The following AGAP1 variants were observed in gnomAD, a reference collection of about 807,000 sequenced individuals.
AGAP1 encodes ArfGAP with GTPase domain, ankyrin repeat and PH domain 1.
A neutral mutation model predicts 105.3 loss-of-function variants in AGAP1; 29 were observed. The observed-to-expected ratio is 0.28, with a 90% CI of 0.21 to 0.38. AGAP1 has a LOEUF of 0.38. Ranked by LOEUF, AGAP1 falls within the 10% of genes least tolerant of loss-of-function variation. The pLI, the probability that AGAP1 is intolerant of heterozygous loss-of-function variation, is 1.00. For missense variants in AGAP1, 998 were observed against 1,165.1 expected, an observed-to-expected ratio of 0.86 and a Z score of 2.09; for synonymous variants, 509 against 485.9, an observed-to-expected ratio of 1.05 and a Z score of -0.63.
At chr2:235,807,524 C>G (rs539728551) in intron 9 of AGAP1, among the ~76,000 whole-genome samples, 193 bp downstream of exon 9, 1 of 152,242 alleles carries the variant, frequency 6.6e-6, no homozygotes, top group East Asian at 1.9e-4. Flanking sequence ...GAAGAGGGAA[C>G]GGAGACAACA....
Position 236,131,501 on chromosome 2 carries a change from T to G in AGAP1, c.*7379T>G, listed in dbSNP as rs2125999495. The stretch of plus-strand genomic sequence containing the variant: ...GATGGGTTTAGGTTTTTTTTTTGGA[T>G]GTTTTCTATTACCTCATTCAGCAAC... On this transcript the variant is annotated 3_prime_UTR_variant, in exon 18 of 18. Transcript: ENST00000304032. This position sits in a 1 kb window ranked among gnomAD's most constrained non-coding sequence, Gnocchi z 5.9. The G allele has an allele frequency of 6.6e-6, 1 of 152,208 alleles. No individual in the cohort carries two copies. The highest frequency in any genetic ancestry group is 2.1e-4 in the South Asian group (1 of 4,824). 9.4% of individuals were successfully genotyped at this position (152,208 alleles called of 1,614,324 possible). A position where few individuals can be genotyped will look rare whatever the true frequency, so the allele number is the denominator to read the frequency against.
rs1439297283 is a variant in AGAP1 at position 236,044,342 on chromosome 2, C to T, written c.1891+3501C>T. On this transcript the variant is annotated intron_variant, in intron 15 of 17. Coordinates refer to ENST00000304032, the MANE Select transcript of AGAP1 (RefSeq NM_001037131.3). The surrounding 1 kb of genome is among the most constrained non-coding windows in gnomAD (Gnocchi z 5.7). ...CCACACCTGAGGGCCCCTGAGAATC[C>T]TAGGGCTTGGGACCCTCAGTGGCTC... Among the ~76,000 whole-genome samples, 1 of 152,130 alleles carries T rather than the reference C, an allele frequency of 6.6e-6. No individual in the cohort carries two copies. Among genetic ancestry groups the T allele is most frequent in the Non-Finnish European group, 1.5e-5 (1 of 68,000 alleles).
In AGAP1 at chr2:236,040,396, C is replaced by T. The variant is rs527848259; in HGVS notation, c.1801-355C>T. Among the ~76,000 whole-genome samples the T allele has an allele frequency of 1.0e-3, 157 of 152,266 alleles. 1 individual carries two copies. The highest frequency in any genetic ancestry group is 3.6e-3 in the African/African-American group (151 of 41,532). On this transcript the variant is annotated intron_variant, in intron 14 of 17. Transcript: ENST00000304032. This position sits in a 1 kb window ranked among gnomAD's most constrained non-coding sequence, Gnocchi z 5.6. ...GATTATTTCTTTCTCATTCTTCTTA[C>T]CAAGTAGACATGTGGCTACTGCCCA...
rs2054272251 is a variant in AGAP1, at chr2:235,963,533, C to T, written c.1484-4929C>T. Among the ~76,000 whole-genome samples, 1 of 152,180 alleles carries T rather than the reference C, an allele frequency of 6.6e-6. No homozygotes were observed. The highest frequency in any genetic ancestry group is 1.5e-5 in the Non-Finnish European group (1 of 68,034). On this transcript the variant is annotated intron_variant, in intron 12 of 17. Coordinates refer to ENST00000304032, the MANE Select transcript of AGAP1 (RefSeq NM_001037131.3). This position sits in a 1 kb window ranked among gnomAD's most constrained non-coding sequence, Gnocchi z 5.1. ...TACGTGTGAGTTGGGTACCATATAG[C>T]CCTCAGCAGAGTATTTGACAAGATT...
Position 236,000,778 on chromosome 2 carries a change from G to T in AGAP1, c.1645+32155G>T, listed in dbSNP as rs995875238. ...TGTGTTTGCAGTGAGGGCCACTAAG[G>T]GGGGCGGAGAAGACCCCTGACAGCA... On this transcript the variant is annotated intron_variant, in intron 13 of 17. Coordinates refer to ENST00000304032, the MANE Select transcript of AGAP1 (RefSeq NM_001037131.3). The surrounding 1 kb of genome is among the most constrained non-coding windows in gnomAD (Gnocchi z 4.3). Among the ~76,000 whole-genome samples the T allele has an allele frequency of 6.6e-6, 1 of 152,220 alleles. No homozygotes were observed.
chr2:235,937,024 G>A (rs980328891), intron 12 of AGAP1, among the ~76,000 whole-genome samples: 4 of 152,048 alleles, frequency 2.6e-5, no homozygotes, highest in African/African-American at 9.7e-5. Context: ...GCTTTTCAAG[G>A]AAATATGTTC....
chr2:235,782,549 G>A (rs1343681352), intron 6 of AGAP1, among the ~76,000 whole-genome samples: 11 of 152,108 alleles, frequency 7.2e-5, no homozygotes, highest in Non-Finnish European at 1.6e-4. Context: ...GTTATTAACT[G>A]GCACAGATCT....
intron 1 of AGAP1, among the ~76,000 whole-genome samples, chr2:235,579,775 CAAA>C (rs1392097872): frequency 7.9e-6 from 1 of 127,338 alleles, no homozygotes; most frequent in Admixed American, 8.0e-5. Flanking sequence ...GACTCCATCT[CAAA>C]AAAAAAAAAA....
chr2:236,063,053 G>T (rs539313617), intron 16 of AGAP1, among the ~76,000 whole-genome samples: 2 of 152,174 alleles, frequency 1.3e-5, no homozygotes, highest in Admixed American at 6.5e-5. Flanking sequence ...CTCCCAAAGC[G>T]CTGGGATTAC....
At chr2:235,698,466 G>A (rs757866744) in intron 1 of AGAP1, among the ~76,000 whole-genome samples, 9 of 152,112 alleles carry the variant, frequency 5.9e-5, no homozygotes, top group Admixed American at 5.2e-4. Context: ...TTTAACCTAC[G>A]GATTTTGTTT....
In AGAP1 at chr2:236,014,791, C is replaced by A; in HGVS notation, c.1646-21770C>A. ...CTCTTTTTCCCCTCTCCCCTTTCTG[C>A]TCTCGGGATGCAGCCAAACGCAAAG... On this transcript the variant is annotated intron_variant, in intron 13 of 17. Coordinates refer to ENST00000304032, the MANE Select transcript of AGAP1 (RefSeq NM_001037131.3). The surrounding 1 kb of genome is among the most constrained non-coding windows in gnomAD (Gnocchi z 6.3). The A allele has an allele frequency of 2.3e-6, 1 of 443,042 alleles. No homozygotes were observed. The allele number at this position is 443,042 out of a possible 1,614,324, so 27.4% of individuals were successfully genotyped here. A position where few individuals can be genotyped will look rare whatever the true frequency, so the allele number is the denominator to read the frequency against.
intron 1 of AGAP1, among the ~76,000 whole-genome samples, chr2:235,502,747 T>C (rs891693775): frequency 6.7e-6 from 1 of 150,056 alleles, no homozygotes; most frequent in Admixed American, 6.7e-5. Context: ...CTTTTCATGG[T>C]TCTGGGAGAA....
intron 9 of AGAP1, among the ~76,000 whole-genome samples, chr2:235,820,028 C>T (rs1420693289): frequency 6.6e-5 from 10 of 151,776 alleles, no homozygotes; most frequent in Admixed American, 2.0e-4. Flanking sequence ...CTCAGCCTCC[C>T]GGCTAGCTGA....
Position 236,040,863 on chromosome 2 carries a change from A to G in AGAP1, c.1891+22A>G, listed in dbSNP as rs2125679970. On this transcript the variant is annotated intron_variant, in intron 15 of 17. Coordinates refer to ENST00000304032, the MANE Select transcript of AGAP1 (RefSeq NM_001037131.3). This position sits in a 1 kb window ranked among gnomAD's most constrained non-coding sequence, Gnocchi z 5.6. ...CAGAGTAAGTGTGTGCGGTGGTAGC[A>G]GGGGCTGGCGCTGTGTAGCTGGAGA... The G allele has an allele frequency of 6.2e-7, 1 of 1,613,592 alleles. No homozygotes were observed. The highest frequency in any genetic ancestry group is 8.5e-7 in the Non-Finnish European group (1 of 1,179,610).
At position 235,930,980 on chromosome 2, in the gene AGAP1, G is replaced by T; in HGVS notation, c.1483+57G>T. On this transcript the variant is annotated intron_variant, in intron 12 of 17. Transcript: ENST00000304032. The surrounding 1 kb of genome is among the most constrained non-coding windows in gnomAD (Gnocchi z 7.9). ...GCCACCTCAAGGTCCTTCGTTGTAA[G>T]CCAGGGGCTGGACAGGACGCCCTAA... 1 of 1,583,252 alleles carries T rather than the reference G, an allele frequency of 6.3e-7. No individual in the cohort carries two copies. The highest frequency in any genetic ancestry group is 8.6e-7 in the Non-Finnish European group (1 of 1,163,812).
chr2:235,631,298 T>G lies in AGAP1; in HGVS notation c.164-77881T>G, dbSNP rs1946822512. Among the ~76,000 whole-genome samples, 1 of 152,046 alleles carries G rather than the reference T, an allele frequency of 6.6e-6. No individual in the cohort carries two copies. Among genetic ancestry groups the G allele is most frequent in the African/African-American group, 2.4e-5 (1 of 41,402 alleles). ...CCCTAAAGGCTTGGAAGGATTGAGT[T>G]AGGAGAGTTCAACTGAAAAGTCAAG... On this transcript the variant is annotated intron_variant, in intron 1 of 17. Transcript: ENST00000304032. The surrounding 1 kb of genome is among the most constrained non-coding windows in gnomAD (Gnocchi z 5.4).
intron 9 of AGAP1, among the ~76,000 whole-genome samples, chr2:235,826,568 G>A (rs1309243148): frequency 6.6e-6 from 1 of 151,978 alleles, no homozygotes; most frequent in Non-Finnish European, 1.5e-5. Flanking sequence ...TCCTGCCTCA[G>A]CCTCCCAAGT....
chr2:235,632,712 A>C (rs1350738214), intron 1 of AGAP1, among the ~76,000 whole-genome samples: 3 of 152,170 alleles, frequency 2.0e-5, no homozygotes, highest in African/African-American at 7.2e-5. Context: ...CCTGCTATTT[A>C]GGTGGCCGTG....
In AGAP1 at chr2:235,965,898, G is replaced by A. The variant is rs553497451; in HGVS notation, c.1484-2564G>A. ...CCAAGACACCTGAGGATGAAAGATGGGACCAGGACAAGCTAGGAATGTTCA... is the reference window on the plus strand; with the variant it reads ...CCAAGACACCTGAGGATGAAAGATGAGACCAGGACAAGCTAGGAATGTTCA... On this transcript the variant is annotated intron_variant, in intron 12 of 17. Transcript: ENST00000304032. This position sits in a 1 kb window ranked among gnomAD's most constrained non-coding sequence, Gnocchi z 5.8. Among the ~76,000 whole-genome samples the A allele has an allele frequency of 1.3e-5, 2 of 152,314 alleles. No individual in the cohort carries two copies. Among genetic ancestry groups the A allele is most frequent in the Admixed American group, 6.5e-5 (1 of 15,302 alleles).
Sources: gnomAD v4.1 joint callset for allele counts (sites outside exome capture counted in the v4.1 genomes callset) on GRCh38, gnomAD v4.1.1 for gene constraint, Gnocchi (gnomAD v3.1) non-coding constraint, MANE v1.5 for transcripts, NCBI Gene and HGNC (gene_info 2026-07-23, HGNC 2026-07-21) for gene names.